Variants in IQCE observed in about 807,000 individuals in gnomAD.
The protein encoded by IQCE is IQ motif containing E.
A neutral mutation model predicts 96.0 loss-of-function variants in IQCE; 115 were observed. That is an observed-to-expected ratio of 1.20 (90% confidence interval 1.03 to 1.40). IQCE has a LOEUF of 1.40. IQCE is among the 40% of genes most tolerant of loss of function. The probability of loss-of-function intolerance (pLI) is 0.00; values close to 1 mark genes in which losing one functional copy is unlikely to be tolerated. For synonymous variants in IQCE, 412 were observed against 371.2 expected (o/e 1.11, Z -1.26); for missense variants, 1,041 against 909.1 (o/e 1.15, Z -1.87).
chr7:2,583,069 T>A (rs567667991), intron 9 of IQCE, among the ~76,000 whole-genome samples: 1 of 152,198 alleles, frequency 6.6e-6, no homozygotes, highest in Non-Finnish European at 1.5e-5. Flanking sequence ...GCCTTATGTC[T>A]CCTGTTCGTA....
At chr7:2,586,551 G>T (rs918166805) in intron 12 of IQCE, among the ~76,000 whole-genome samples, 180 bp downstream of exon 12, 2 of 152,384 alleles carry the variant, frequency 1.3e-5, no homozygotes, top group African/African-American at 4.8e-5. Flanking sequence ...CCCGGGGATG[G>T]AGCCGCAAAC....
intron 16 of IQCE, among the ~76,000 whole-genome samples, chr7:2,597,367 G>T (rs575701878): frequency 6.6e-6 from 1 of 152,374 alleles, no homozygotes; most frequent in African/African-American, 2.4e-5. Flanking sequence ...CACTGTCTAG[G>T]AATTGGCCAG....
At chr7:2,603,011 C>T (rs1177734378) in intron 18 of IQCE, among the ~76,000 whole-genome samples, 3 of 152,198 alleles carry the variant, frequency 2.0e-5, no homozygotes, top group Admixed American at 6.5e-5. Context: ...CCTCAGCCTT[C>T]GGTTCTGCAG....
chr7:2,585,523 G>A lies in IQCE; in HGVS notation c.825-685G>A, dbSNP rs189316837. ...CCCACACAGCCTTCCTGAGCTTAGA[G>A]GCACTGGACGGCACTCAGCACTGCA... On this transcript the variant is annotated intron_variant, in intron 11 of 21. Coordinates refer to ENST00000402050, the MANE Select transcript of IQCE (RefSeq NM_152558.5). Among the ~76,000 whole-genome samples the A allele has an allele frequency of 1.2e-4, 19 of 152,368 alleles. No homozygotes were observed. The East Asian group carries it at 2.9e-3, about 23-fold the overall frequency.
chr7:2,592,096 A>T (rs1468931205), intron 14 of IQCE, among the ~76,000 whole-genome samples: 1 of 152,078 alleles, frequency 6.6e-6, no homozygotes, highest in Non-Finnish European at 1.5e-5. Flanking sequence ...CCTACAGGTG[A>T]TCTGTGTGTA....
At chr7:2,568,744 G>A (rs928741757) in intron 2 of IQCE, among the ~76,000 whole-genome samples, 1 of 152,144 alleles carries the variant, frequency 6.6e-6, no homozygotes, top group Non-Finnish European at 1.5e-5. Flanking sequence ...TGCTCTGAGA[G>A]CCCAGCCCTG....
At chr7:2,608,448 A>G (rs1231100567) in intron 21 of IQCE, among the ~76,000 whole-genome samples, 2 of 152,218 alleles carry the variant, frequency 1.3e-5, no homozygotes, top group Non-Finnish European at 2.9e-5. Flanking sequence ...TTTTATTTTC[A>G]TTTTTTAACC....
In IQCE at chr7:2,579,729, G is replaced by GTGTGTGTGTGTGTC. The variant is rs377084597; in HGVS notation, c.630+1212_630+1213insGTGTCTGTGTGTGT. Among the ~76,000 whole-genome samples the GTGTGTGTGTGTGTC allele has an allele frequency of 1.4e-4, 20 of 147,914 alleles. 1 individual carries two copies. Among genetic ancestry groups the GTGTGTGTGTGTGTC allele is most frequent in the African/African-American group, 4.0e-4 (16 of 39,596 alleles). On this transcript the variant is annotated intron_variant, in intron 8 of 21. Coordinates refer to ENST00000402050, the MANE Select transcript of IQCE (RefSeq NM_152558.5). The stretch of plus-strand genomic sequence containing the variant: ...TGTGTGTGTGTGTGTGTGTGTGTGT[G>GTGTGTGTGTGTGTC]TGTGTGTGTCTGTGGGTATTTTTTT...
chr7:2,593,421 G>T (rs554427651), intron 15 of IQCE, among the ~76,000 whole-genome samples: 1 of 152,370 alleles, frequency 6.6e-6, no homozygotes, highest in South Asian at 2.1e-4. Context: ...GAACCACCCA[G>T]GTGTGGGCCA....
intron 1 of IQCE, 126 bp downstream of exon 1, chr7:2,559,343 G>A (rs1337429641): frequency 2.4e-6 from 1 of 420,008 alleles, no homozygotes; most frequent in Non-Finnish European, 3.8e-6. Flanking sequence ...CGCACGGCCG[G>A]GTGACAGCTG....
chr7:2,581,187 C>T (rs552959911), intron 8 of IQCE, among the ~76,000 whole-genome samples: 259 of 152,122 alleles, frequency 1.7e-3, no homozygotes, highest in South Asian at 3.5e-3. Flanking sequence ...TCATCTATGA[C>T]TAACATAATT....
chr7:2,585,832 T>C (rs531513340), intron 11 of IQCE, among the ~76,000 whole-genome samples: 4 of 152,170 alleles, frequency 2.6e-5, no homozygotes, highest in Admixed American at 1.3e-4. Context: ...CTGCAGATAA[T>C]GAGGATCGAC....
chr7:2,593,523 T>C (rs1783779291), intron 15 of IQCE, among the ~76,000 whole-genome samples: 2 of 152,236 alleles, frequency 1.3e-5, no homozygotes, highest in East Asian at 3.8e-4. Flanking sequence ...CAACTGCTGG[T>C]GGACAAACAC....
intron 14 of IQCE, among the ~76,000 whole-genome samples, chr7:2,592,432 T>C (rs964705390): frequency 6.6e-6 from 1 of 152,214 alleles, no homozygotes; most frequent in African/African-American, 2.4e-5. Context: ...CCTTACCGTG[T>C]GACAGGGGCT....
chr7:2,584,475 A>G (rs1349628534), intron 11 of IQCE, 190 bp downstream of exon 11: 10 of 641,706 alleles, frequency 1.6e-5, no homozygotes, highest in Non-Finnish European at 2.6e-5. Flanking sequence ...CAGACTCCTC[A>G]TAGTGACCAC....
At chr7:2,583,460 G>A (rs1272509494) in intron 9 of IQCE, among the ~76,000 whole-genome samples, 177 bp from the exon 10 acceptor site, 1 of 152,040 alleles carries the variant, frequency 6.6e-6, no homozygotes, top group Non-Finnish European at 1.5e-5. Flanking sequence ...CATCAGGCTC[G>A]AAACGAGTCA....
intron 2 of IQCE, 92 bp downstream of exon 2, chr7:2,567,255 A>C: frequency 1.0e-6 from 1 of 976,184 alleles, no homozygotes; most frequent in Non-Finnish European, 1.6e-6. Context: ...GCCGTTCTCC[A>C]CAATACTGTG....
In IQCE at chr7:2,607,521, C is replaced by G. The variant is rs891114827; in HGVS notation, c.1969+294C>G. 7.0e-6 allele frequency: 9 copies of G among 1,291,864 alleles called. No homozygotes were observed. The African/African-American group carries it at 1.4e-4, about 20-fold the overall frequency. 80.0% of individuals were successfully genotyped at this position (1,291,864 alleles called of 1,614,324 possible). ...CTTCCTCCTTCAGGCCAGCATTTCT[C>G]CTGTTTGTTTGTTGAGTAAAACCGT... On this transcript the variant is annotated intron_variant, in intron 21 of 21. Transcript: ENST00000402050.
intron 18 of IQCE, among the ~76,000 whole-genome samples, chr7:2,603,183 A>G (rs1304724756): frequency 1.3e-5 from 2 of 152,028 alleles, no homozygotes; most frequent in Admixed American, 1.3e-4. Flanking sequence ...GGTCTCCAGC[A>G]TGTCAGCCTC....
Sources: gnomAD v4.1 joint callset for allele counts (sites outside exome capture counted in the v4.1 genomes callset) on GRCh38, gnomAD v4.1.1 for gene constraint, MANE v1.5 for transcripts, NCBI Gene and HGNC (gene_info 2026-07-23, HGNC 2026-07-21) for gene names.